The following TACC2 variants were observed in gnomAD, a reference collection of about 807,000 sequenced individuals.
TACC2 encodes the protein transforming acidic coiled-coil-containing protein 2.
In TACC2, 137 loss-of-function variants were observed where a neutral mutation model predicts 227.3. The ratio of observed to expected loss-of-function variants is 0.60; its 90% CI spans 0.52 to 0.69. The LOEUF is 0.69. TACC2 is among the 30% of genes least tolerant of loss of function. The probability of loss-of-function intolerance (pLI) is 0.00; values close to 1 mark genes in which losing one functional copy is unlikely to be tolerated. For synonymous variants in TACC2, 1,523 were observed against 1,487.5 expected (o/e 1.02, Z -0.55); for missense variants, 3,470 against 3,694.4 (o/e 0.94, Z 1.57).
At position 122,194,270 on chromosome 10, in the gene TACC2, C is replaced by T. The variant is rs1593173143; in HGVS notation, c.5835-770C>T. Among the ~76,000 whole-genome samples, 3 of 152,284 alleles carry T rather than the reference C, an allele frequency of 2.0e-5. No individual in the cohort carries two copies. In the East Asian group the frequency reaches 5.8e-4, roughly 29 times the overall value. ...GGCCAAGGCTTGGCCAGTGGCCTCT[C>T]CTTGTTAGTGGGCAGAGTTTCTCCA... On this transcript the variant is annotated intron_variant, in intron 7 of 22. Transcript: ENST00000369005. This position sits in a 1 kb window ranked among gnomAD's most constrained non-coding sequence, Gnocchi z 4.4.
rs2090575674 is a variant in TACC2, at chr10:122,141,681, T to TG, written c.5700-1891_5700-1890insG. ...CGGGCCACAGATCTAAGGTAGCATC[T>TG]CCCCCCCACCCGCCACTGTTTTCTA... On this transcript the variant is annotated intron_variant, in intron 6 of 22. Coordinates refer to ENST00000369005, the MANE Select transcript of TACC2 (RefSeq NM_206862.4). This position sits in a 1 kb window ranked among gnomAD's most constrained non-coding sequence, Gnocchi z 4.3. Among the ~76,000 whole-genome samples the TG allele has an allele frequency of 6.6e-6, 1 of 150,740 alleles. No homozygotes were observed. The highest frequency in any genetic ancestry group is 2.4e-5 in the African/African-American group (1 of 40,982).
chr10:122,119,932 A>G (rs557492518), intron 5 of TACC2, among the ~76,000 whole-genome samples: 20 of 47,714 alleles, frequency 4.2e-4, no homozygotes, highest in African/African-American at 1.0e-3. Context: ...AGAAAAAAAA[A>G]AAAAAGAAAA....
chr10:122,029,688 G>A (rs1471872456), intron 2 of TACC2, among the ~76,000 whole-genome samples: 3 of 152,174 alleles, frequency 2.0e-5, no homozygotes, highest in Non-Finnish European at 4.4e-5. Flanking sequence ...CCACTTAAAG[G>A]AATGTTCTGT....
At chr10:122,088,213 C>T (rs1296976435) in intron 4 of TACC2, among the ~76,000 whole-genome samples, 1 of 152,114 alleles carries the variant, frequency 6.6e-6, no homozygotes, top group East Asian at 1.9e-4. Flanking sequence ...TAACTTAAAC[C>T]ACTGGAAAAG....
At chr10:122,017,255 C>G (rs1956770619) in intron 1 of TACC2, among the ~76,000 whole-genome samples, 1 of 152,096 alleles carries the variant, frequency 6.6e-6, no homozygotes, top group African/African-American at 2.4e-5. Flanking sequence ...AAAGTGGTTT[C>G]TGGAGGGTGC....
intron 8 of TACC2, among the ~76,000 whole-genome samples, chr10:122,204,129 G>A (rs1316449891): frequency 1.4e-5 from 2 of 144,122 alleles, no homozygotes; most frequent in African/African-American, 2.6e-5. Flanking sequence ...CTTCGGCTCG[G>A]CATCAGAGGG....
At chr10:122,048,420 C>T (rs1424959853) in intron 2 of TACC2, among the ~76,000 whole-genome samples, 1 of 137,134 alleles carries the variant, frequency 7.3e-6, no homozygotes, top group Non-Finnish European at 1.6e-5. Flanking sequence ...TCCCTCCCTT[C>T]CTTCCCTCCT....
chr10:122,089,559 G>A (rs531071637), intron 5 of TACC2, among the ~76,000 whole-genome samples: 9 of 152,352 alleles, frequency 5.9e-5, no homozygotes, highest in Non-Finnish European at 1.0e-4. Context: ...TGGGGAAATG[G>A]TGATATTGTG....
intron 7 of TACC2, among the ~76,000 whole-genome samples, chr10:122,146,362 T>C (rs1377673822): frequency 6.6e-6 from 1 of 152,156 alleles, no homozygotes; most frequent in East Asian, 1.9e-4. Flanking sequence ...GTTTGAGTAT[T>C]TGTTGCCTCC....
At chr10:122,155,832 A>ATT (rs2092424411) in intron 7 of TACC2, among the ~76,000 whole-genome samples, 2 of 112,300 alleles carry the variant, frequency 1.8e-5, no homozygotes, top group African/African-American at 3.3e-5. Flanking sequence ...ATAGTGGGAA[A>ATT]ATTTTTTTTT....
chr10:122,097,579 A>G (rs1459365139), intron 5 of TACC2, among the ~76,000 whole-genome samples: 1 of 150,710 alleles, frequency 6.6e-6, no homozygotes, highest in Non-Finnish European at 1.5e-5. Flanking sequence ...CCCTGGGAGT[A>G]GGAGGGAGGA....
rs79719001 is a variant in TACC2 at position 122,064,486 on chromosome 10, G to A, written c.146+13936G>A. On this transcript the variant is annotated intron_variant, in intron 3 of 22. Transcript: ENST00000369005. ...TTTTAAGTGAAATGATGTATAATGA[G>A]ACCAGTCTTTTTGTCATCATTTTAC... Among the ~76,000 whole-genome samples, 520 of 152,226 alleles carry A rather than the reference G, an allele frequency of 3.4e-3. 2 individuals carry two copies. The highest frequency in any genetic ancestry group is 0.012 in the African/African-American group (482 of 41,536).
chr10:122,201,150 T>C (rs2094820700), intron 8 of TACC2, among the ~76,000 whole-genome samples: 1 of 126,494 alleles, frequency 7.9e-6, no homozygotes, highest in South Asian at 2.8e-4. Flanking sequence ...TGGCCACATC[T>C]ACAGTCAGAG....
At chr10:122,106,495 A>C (rs1448491855) in intron 5 of TACC2, among the ~76,000 whole-genome samples, 1 of 152,188 alleles carries the variant, frequency 6.6e-6, no homozygotes. Flanking sequence ...TCTCAGCAAA[A>C]GCAAAGTATT....
chr10:122,113,475 G>C (rs2084023823), intron 5 of TACC2, among the ~76,000 whole-genome samples: 1 of 152,230 alleles, frequency 6.6e-6, no homozygotes. Context: ...CCCTTGAGTG[G>C]GAGCGCGGGG....
At chr10:122,021,229 G>GGAA (rs749283477) in intron 1 of TACC2, among the ~76,000 whole-genome samples, 2 of 139,240 alleles carry the variant, frequency 1.4e-5, no homozygotes, top group African/African-American at 2.7e-5. Flanking sequence ...ACTCCATCTC[G>GGAA]AAAAAAAAAA....
chr10:122,163,654 C>G (rs1460688483), intron 7 of TACC2: 5 of 953,650 alleles, frequency 5.2e-6, no homozygotes, highest in Non-Finnish European at 5.1e-6. Context: ...CCGCACGCCC[C>G]GGGCAGAGCC....
At chr10:122,207,022 G>A (rs2095133830) in intron 8 of TACC2, among the ~76,000 whole-genome samples, 1 of 150,780 alleles carries the variant, frequency 6.6e-6, no homozygotes, top group Non-Finnish European at 1.5e-5. Flanking sequence ...AGGGAGGCTG[G>A]GTGTGGTGGC....
chr10:122,093,321 G>T (rs1565286791), intron 5 of TACC2, among the ~76,000 whole-genome samples: 1 of 152,064 alleles, frequency 6.6e-6, no homozygotes, highest in Non-Finnish European at 1.5e-5. Context: ...CACTGGAGCC[G>T]CTTCTCTCTT....
Sources: allele counts gnomAD v4.1 joint callset (sites outside exome capture counted in the v4.1 genomes callset), GRCh38; gene constraint gnomAD v4.1.1; non-coding constraint Gnocchi (gnomAD v3.1); transcripts MANE v1.5; gene names NCBI Gene and HGNC (gene_info 2026-07-23, HGNC 2026-07-21).